Variants in DNAH6 observed in about 807,000 individuals in gnomAD.
The protein encoded by DNAH6 is dynein axonemal heavy chain 6.
DNAH6 carries 340 observed loss-of-function variants against 491.4 expected under a neutral mutation model. The observed-to-expected ratio is 0.69, with a 90% CI of 0.63 to 0.76. The LOEUF (loss-of-function observed/expected upper bound fraction) is 0.76. DNAH6 is among the 30% of genes least tolerant of loss of function. The pLI, the probability that DNAH6 is intolerant of heterozygous loss-of-function variation, is 0.00. For missense variants in DNAH6, 4,443 were observed against 4,972.2 expected, an observed-to-expected ratio of 0.89 and a Z score of 3.20; for synonymous variants, 1,603 against 1,686.1, an observed-to-expected ratio of 0.95 and a Z score of 1.21.
chr2:84,599,478 A>G (rs923574978), intron 18 of DNAH6, among the ~76,000 whole-genome samples: 3 of 152,020 alleles, frequency 2.0e-5, no homozygotes, highest in African/African-American at 7.2e-5. Context: ...ATGTTTAGGT[A>G]TATGATCTAT....
chr2:84,688,229 A>G (rs938731257), intron 44 of DNAH6, among the ~76,000 whole-genome samples: 4 of 136,202 alleles, frequency 2.9e-5, no homozygotes, highest in African/African-American at 1.2e-4. Context: ...ACAGAGAGAG[A>G]CTCCATCTCA....
chr2:84,562,643 A>G (rs76773384), intron 11 of DNAH6, among the ~76,000 whole-genome samples: 10,388 of 152,200 alleles, frequency 0.068, 1,151 homozygotes, highest in African/African-American at 0.24. Flanking sequence ...ATAAAGCAAA[A>G]TTAACGAAGG....
intron 14 of DNAH6, among the ~76,000 whole-genome samples, chr2:84,583,051 A>C (rs567785870): frequency 6.6e-6 from 1 of 152,252 alleles, no homozygotes; most frequent in Non-Finnish European, 1.5e-5. Context: ...GTTGCGGGTA[A>C]GGAGCATTCC....
At chr2:84,626,118 A>T (rs1197120596) in intron 29 of DNAH6, among the ~76,000 whole-genome samples, 1 of 152,204 alleles carries the variant, frequency 6.6e-6, no homozygotes, top group Non-Finnish European at 1.5e-5. Context: ...CCCCTAAAAA[A>T]AAAACTCATG....
intron 39 of DNAH6, among the ~76,000 whole-genome samples, chr2:84,671,189 C>G (rs1573433303): frequency 6.6e-6 from 1 of 152,296 alleles, no homozygotes; most frequent in East Asian, 1.9e-4. Context: ...CTCTCTGTGG[C>G]TGGTCCCTGC....
At chr2:84,696,655 A>C (rs530741255) in intron 46 of DNAH6, among the ~76,000 whole-genome samples, 2 of 152,132 alleles carry the variant, frequency 1.3e-5, no homozygotes, top group South Asian at 4.1e-4. Flanking sequence ...AAGAAAAACA[A>C]AAAGTTTCAA....
At chr2:84,763,015 G>T in intron 64 of DNAH6, 70 bp downstream of exon 64, 3 of 1,207,906 alleles carry the variant, frequency 2.5e-6, no homozygotes, top group Non-Finnish European at 3.6e-6. Context: ...ATTTGCCTTT[G>T]TTCTTCCCCT....
At chr2:84,561,926 A>G (rs1177622300) in intron 11 of DNAH6, among the ~76,000 whole-genome samples, 5 of 152,190 alleles carry the variant, frequency 3.3e-5, no homozygotes, top group Non-Finnish European at 5.9e-5. Context: ...TCATCTAGCT[A>G]AGAAATAACT....
intron 20 of DNAH6, 106 bp from the exon 21 acceptor site, chr2:84,606,870 T>G (rs1685820073): frequency 8.5e-7 from 1 of 1,180,208 alleles, no homozygotes; most frequent in African/African-American, 1.5e-5. Flanking sequence ...AAGCTATTAA[T>G]TCAAAGAGTT....
Position 84,691,362 on chromosome 2 carries a change from T to G in DNAH6, c.7292+2769T>G, listed in dbSNP as rs187526177. Among the ~76,000 whole-genome samples the G allele has an allele frequency of 4.4e-3, 668 of 152,336 alleles. 4 individuals carry two copies. The highest frequency in any genetic ancestry group is 7.4e-3 in the Non-Finnish European group (504 of 68,026). On this transcript the variant is annotated intron_variant, in intron 45 of 76. Coordinates refer to ENST00000389394, the MANE Select transcript of DNAH6 (RefSeq NM_001370.2). ...TCAACTGTAGGACACTTGTACATTATGGGAAAAATAAGAAAGCATTATTAT... is the reference window on the plus strand; with the variant it reads ...TCAACTGTAGGACACTTGTACATTAGGGGAAAAATAAGAAAGCATTATTAT...
At chr2:84,797,693 G>A (rs375330464) in intron 70 of DNAH6, 35 bp downstream of exon 70, 2 of 1,521,518 alleles carry the variant, frequency 1.3e-6, no homozygotes, top group Admixed American at 4.0e-5. Context: ...ACATATTTAT[G>A]TTGTGTATGT....
chr2:84,815,819 C>T, intron 75 of DNAH6, 42 bp from the exon 76 acceptor site: 1 of 1,468,890 alleles, frequency 6.8e-7, no homozygotes, highest in Non-Finnish European at 9.3e-7. Context: ...CTGCTGATCC[C>T]TTTTCCCCCA....
chr2:84,625,019 A>G lies in DNAH6; in HGVS notation c.4471A>G (p.Ile1491Val), dbSNP rs373671347. The G allele has an allele frequency of 1.4e-5, 21 of 1,551,450 alleles. No homozygotes were observed. The highest frequency in any genetic ancestry group is 2.4e-5 in the East Asian group (1 of 40,924). The part of the protein sequence containing the change: ...TTKDLAKALA[I>V]QCVVFNCSDG... ...CAAAGATCTGGCAAAAGCTCTTGCC[A>G]TCCAGTGTGTGGTCTTTAACTGTTC... Residue 1491 changes from isoleucine (I) to valine (V), a missense_variant, in exon 29 of 77, where the codon ATC (isoleucine) becomes GTC (valine). Ile to Val is a conservative substitution (Grantham distance 29). Transcript: ENST00000389394.
rs903514519 is a variant in DNAH6 at position 84,621,520 on chromosome 2, C to T, written c.4040C>T (p.Ala1347Val). The change falls in exon 26 of 77, where the codon GCC (alanine) becomes GTC (valine). Residue 1347 changes from alanine (A) to valine (V), a missense_variant. Transcript: ENST00000389394. Reference sequence around the variant, plus strand: ...ACAGAACACAGTAATCATATACAGGCCCTGAAGAATTTTGAAAAAGTAAAT... The same window carrying T: ...ACAGAACACAGTAATCATATACAGGTCCTGAAGAATTTTGAAAAAGTAAAT... ...LETEHSNHIQ[A>V]LKNFEKVNFE... 15 of 1,522,762 alleles carry T rather than the reference C, an allele frequency of 9.9e-6. No individual in the cohort carries two copies. In the Admixed American group the frequency reaches 1.8e-4, roughly 18 times the overall value. The allele number at this position is 1,522,762 out of a possible 1,614,324, so 94.3% of individuals were successfully genotyped here. A position where few individuals can be genotyped will look rare whatever the true frequency, so the allele number is the denominator to read the frequency against.
intron 64 of DNAH6, among the ~76,000 whole-genome samples, chr2:84,772,711 C>T (rs1463749615): frequency 1.3e-5 from 2 of 151,964 alleles, no homozygotes; most frequent in Non-Finnish European, 2.9e-5. Flanking sequence ...ATTTCAATGT[C>T]CCATCTTTAA....
chr2:84,540,924 CAAGGATCTCTAGTTAA>C (rs1678182762), intron 4 of DNAH6, among the ~76,000 whole-genome samples: 1 of 152,108 alleles, frequency 6.6e-6, no homozygotes, highest in African/African-American at 2.4e-5. Flanking sequence ...GTTAACTATC[CAAGGATCTCTAGTTAA>C]CTAGATCCTA....
chr2:84,633,948 T>C (rs1252971266), intron 29 of DNAH6, among the ~76,000 whole-genome samples: 1 of 152,214 alleles, frequency 6.6e-6, no homozygotes, highest in Non-Finnish European at 1.5e-5. Flanking sequence ...TTTATATACA[T>C]GCTTAACCAA....
intron 56 of DNAH6, among the ~76,000 whole-genome samples, chr2:84,712,392 T>G (rs1014724616): frequency 2.2e-4 from 33 of 152,160 alleles, no homozygotes; most frequent in South Asian, 6.2e-4. Context: ...ATCACATACG[T>G]CCTGACATAA....
intron 29 of DNAH6, among the ~76,000 whole-genome samples, chr2:84,628,082 G>A (rs571587235): frequency 6.6e-6 from 1 of 152,212 alleles, no homozygotes; most frequent in Non-Finnish European, 1.5e-5. Context: ...ACTTTTGAAA[G>A]TAGGATTCTA....
Sources: allele counts gnomAD v4.1 joint callset (sites outside exome capture counted in the v4.1 genomes callset), GRCh38; gene constraint gnomAD v4.1.1; transcripts MANE v1.5; gene names NCBI Gene and HGNC (gene_info 2026-07-23, HGNC 2026-07-21).